Variants in DYNC1I1 observed in about 807,000 individuals in gnomAD.
DYNC1I1 encodes the protein cytoplasmic dynein 1 intermediate chain 1.
A neutral mutation model predicts 86.6 loss-of-function variants in DYNC1I1; 43 were observed. The ratio of observed to expected loss-of-function variants is 0.50; its 90% CI spans 0.39 to 0.64. The LOEUF (loss-of-function observed/expected upper bound fraction) is 0.64, where lower values mean the gene tolerates loss of function less well. DYNC1I1 is among the 30% of genes least tolerant of loss of function. The pLI is 0.00. For synonymous variants in DYNC1I1, 262 were observed against 283.7 expected, an observed-to-expected ratio of 0.92 and a Z score of 0.77; for missense variants, 604 against 788.8, an observed-to-expected ratio of 0.77 and a Z score of 2.81.
chr7:96,059,099 T>C (rs76796845), intron 14 of DYNC1I1, among the ~76,000 whole-genome samples: 1 of 152,130 alleles, frequency 6.6e-6, no homozygotes, highest in Non-Finnish European at 1.5e-5. Context: ...ATGAATACAT[T>C]ATCTTATTGT....
At chr7:95,964,005 G>A (rs930214224) in intron 6 of DYNC1I1, among the ~76,000 whole-genome samples, 5 of 152,126 alleles carry the variant, frequency 3.3e-5, no homozygotes, top group African/African-American at 1.2e-4. Flanking sequence ...TGACAGACAA[G>A]AGACTTCATA....
At chr7:95,879,568 A>G (rs1215469568) in intron 6 of DYNC1I1, among the ~76,000 whole-genome samples, 3 of 152,210 alleles carry the variant, frequency 2.0e-5, no homozygotes, top group Non-Finnish European at 2.9e-5. Flanking sequence ...CTTGTGGCAT[A>G]AAGCAAGAAA....
intron 16 of DYNC1I1, among the ~76,000 whole-genome samples, chr7:96,087,066 A>G (rs898847248): frequency 1.5e-5 from 2 of 132,532 alleles, no homozygotes; most frequent in Admixed American, 8.0e-5. Flanking sequence ...CACAAAATAA[A>G]TACAATACAA....
chr7:95,832,957 G>C (rs1198122555), intron 5 of DYNC1I1, among the ~76,000 whole-genome samples: 5 of 151,752 alleles, frequency 3.3e-5, no homozygotes, highest in African/African-American at 1.2e-4. Context: ...TTGCTGTGCA[G>C]AAGCTCTTTA....
At chr7:95,863,127 A>T (rs1789931270) in intron 5 of DYNC1I1, among the ~76,000 whole-genome samples, 1 of 152,196 alleles carries the variant, frequency 6.6e-6, no homozygotes, top group South Asian at 2.1e-4. Context: ...AAAAAGTCTA[A>T]CAACTGATGA....
intron 1 of DYNC1I1, among the ~76,000 whole-genome samples, chr7:95,801,909 G>A (rs543190904): frequency 2.6e-5 from 4 of 152,300 alleles, no homozygotes; most frequent in South Asian, 2.1e-4. Flanking sequence ...GTGTCCTTCC[G>A]TGTGGACCCT....
chr7:95,904,820 T>C (rs1791132999), intron 6 of DYNC1I1, among the ~76,000 whole-genome samples: 2 of 152,184 alleles, frequency 1.3e-5, no homozygotes, highest in Non-Finnish European at 2.9e-5. Flanking sequence ...AACTTTTAGC[T>C]CCTTCTTTGG....
At chr7:95,885,203 T>G (rs1445278415) in intron 6 of DYNC1I1, among the ~76,000 whole-genome samples, 3 of 152,176 alleles carry the variant, frequency 2.0e-5, no homozygotes, top group Non-Finnish European at 4.4e-5. Context: ...AGTCTCAGTC[T>G]GTTGCTCAGG....
chr7:95,914,874 T>G (rs1791428176), intron 6 of DYNC1I1, among the ~76,000 whole-genome samples: 1 of 152,190 alleles, frequency 6.6e-6, no homozygotes, highest in Admixed American at 6.5e-5. Context: ...TCAGAAGTCA[T>G]GTCCTAAAAG....
chr7:96,041,832 A>G (rs1020368319), intron 14 of DYNC1I1, among the ~76,000 whole-genome samples: 18 of 152,182 alleles, frequency 1.2e-4, no homozygotes, highest in Admixed American at 2.6e-4. Flanking sequence ...GAAAAAAATA[A>G]TAGCTAGACT....
intron 14 of DYNC1I1, among the ~76,000 whole-genome samples, chr7:96,058,089 A>G (rs1393959510): frequency 6.6e-6 from 1 of 152,168 alleles, no homozygotes; most frequent in Non-Finnish European, 1.5e-5. Flanking sequence ...ACCAACCAAC[A>G]TGTTATCATT....
intron 16 of DYNC1I1, among the ~76,000 whole-genome samples, chr7:96,096,878 T>C (rs1791025678): frequency 6.6e-6 from 1 of 152,104 alleles, no homozygotes; most frequent in African/African-American, 2.4e-5. Context: ...TTATGACGAA[T>C]GAGTTAATGC....
At chr7:95,991,560 A>G (rs1218281277) in intron 9 of DYNC1I1, among the ~76,000 whole-genome samples, 2 of 152,104 alleles carry the variant, frequency 1.3e-5, no homozygotes, top group Admixed American at 1.3e-4. Flanking sequence ...TCTCAGTTCA[A>G]AGTTTACAAT....
chr7:95,794,478 A>C (rs1363838389), intron 1 of DYNC1I1, among the ~76,000 whole-genome samples: 1 of 152,196 alleles, frequency 6.6e-6, no homozygotes, highest in Non-Finnish European at 1.5e-5. Flanking sequence ...AATGCACCAT[A>C]GGGGTCAGAA....
intron 14 of DYNC1I1, among the ~76,000 whole-genome samples, chr7:96,069,759 G>T (rs545949928): frequency 1.3e-5 from 2 of 152,058 alleles, no homozygotes; most frequent in African/African-American, 4.8e-5. Context: ...TATTGGTGGC[G>T]CCTCTTGGAT....
intron 6 of DYNC1I1, among the ~76,000 whole-genome samples, chr7:95,930,657 T>C (rs189521441): frequency 6.6e-6 from 1 of 152,352 alleles, no homozygotes; most frequent in East Asian, 1.9e-4. Context: ...ATTGGCTATC[T>C]GGAGCTTGAG....
At chr7:96,023,676 A>T (rs915627541) in intron 10 of DYNC1I1, among the ~76,000 whole-genome samples, 24 of 152,138 alleles carry the variant, frequency 1.6e-4, no homozygotes, top group Non-Finnish European at 3.2e-4. Flanking sequence ...CTTCTCTTTA[A>T]ATAGATGATG....
chr7:95,915,736 C>G (rs1791451867), intron 6 of DYNC1I1, among the ~76,000 whole-genome samples: 1 of 152,132 alleles, frequency 6.6e-6, no homozygotes, highest in South Asian at 2.1e-4. Context: ...GAAAATTTCT[C>G]TTTTCACTCA....
At chr7:96,080,068 G>A (rs1683641415) in intron 15 of DYNC1I1, among the ~76,000 whole-genome samples, 1 of 152,050 alleles carries the variant, frequency 6.6e-6, no homozygotes, top group South Asian at 2.1e-4. Flanking sequence ...TTTGTTGGAT[G>A]TACACTTGTC....
Sources: allele counts gnomAD v4.1 joint callset (sites outside exome capture counted in the v4.1 genomes callset), GRCh38; gene constraint gnomAD v4.1.1; transcripts MANE v1.5; gene names NCBI Gene and HGNC (gene_info 2026-07-23, HGNC 2026-07-21).